The following DENND4C variants were observed in gnomAD, a reference collection of about 807,000 sequenced individuals.
The protein encoded by DENND4C is DENN domain containing 4C.
Under a neutral mutation model 203.0 loss-of-function variants are expected in DENND4C, and 108 were observed. The observed-to-expected ratio is 0.53, with a 90% CI of 0.46 to 0.62. The LOEUF (loss-of-function observed/expected upper bound fraction) is 0.62, where lower values mean the gene tolerates loss of function less well. Ranked by LOEUF, DENND4C falls within the 20% of genes least tolerant of loss-of-function variation. The pLI is 0.00. For missense variants in DENND4C, 2,481 were observed against 2,301.2 expected (o/e 1.08, Z -1.60); for synonymous variants, 871 against 792.4 (o/e 1.10, Z -1.67).
chr9:19,324,485 T>C lies in DENND4C; in HGVS notation c.1931T>C (p.Phe644Ser). The C allele has an allele frequency of 6.2e-7, 1 of 1,607,052 alleles. No individual in the cohort carries two copies. Among genetic ancestry groups the C allele is most frequent in the Non-Finnish European group, 8.5e-7 (1 of 1,178,556 alleles). The change falls in exon 13 of 33, where the codon TTT (phenylalanine) becomes TCT (serine). Residue 644 changes from phenylalanine (F) to serine (S), a missense_variant. Phe to Ser is a radical substitution (Grantham distance 155). Around this residue, in one of 3 missense-constraint regions of DENND4C, gnomAD observed 2,289 missense variants for 2,113.3 expected, o/e 1.08. Coordinates refer to ENST00000434457, the MANE Select transcript of DENND4C (RefSeq NM_001330640.2). Reference sequence around the variant, plus strand: ...AGTGATAAAGATACTGGATTAGCATTTTTTGATGACTGCATAGAAAAGGTA... The same window carrying C: ...AGTGATAAAGATACTGGATTAGCATCTTTTGATGACTGCATAGAAAAGGTA... ...FVSDKDTGLA[F>S]FDDCIEKLFP...
At chr9:19,234,495 G>A (rs567247284) in intron 1 of DENND4C, among the ~76,000 whole-genome samples, 22 of 146,426 alleles carry the variant, frequency 1.5e-4, no homozygotes, top group African/African-American at 5.1e-4. Context: ...CTCCCAAAAT[G>A]CTGGGATTAT....
intron 5 of DENND4C, among the ~76,000 whole-genome samples, chr9:19,291,746 A>AG (rs979214383): frequency 6.6e-6 from 1 of 151,662 alleles, no homozygotes; most frequent in African/African-American, 2.4e-5. Flanking sequence ...ACATACATGA[A>AG]GGGATAATTA....
chr9:19,239,505 C>T (rs1823144778), intron 1 of DENND4C, among the ~76,000 whole-genome samples: 2 of 151,634 alleles, frequency 1.3e-5, no homozygotes, highest in Non-Finnish European at 2.9e-5. Flanking sequence ...CGCTGTGTCA[C>T]CCAGGCTGGA....
At position 19,372,058 on chromosome 9, in the gene DENND4C, G is replaced by T; in HGVS notation, c.5762G>T (p.Gly1921Val). 1 of 1,610,216 alleles carries T rather than the reference G, an allele frequency of 6.2e-7. No homozygotes were observed. Among genetic ancestry groups the T allele is most frequent in the Non-Finnish European group, 8.5e-7 (1 of 1,179,070 alleles). ...TCAGAGGCATTTGACAATGAATATG[G>T]AATTGCATACAATAGTCTGTCTTCA... ...IDIEAFDNEY[G>V]IAYNSLSSEI... Residue 1921 changes from glycine to valine, a missense_variant, in exon 33 of 33, where the codon GGA becomes GTA. Gly to Val is a moderately radical substitution (Grantham distance 109, BLOSUM62 -3). This residue lies in a region of DENND4C where 2,289 missense variants were observed against 2,113.3 expected (regional missense o/e 1.08). Transcript: ENST00000434457.
At chr9:19,311,606 A>G (rs1406094091) in intron 10 of DENND4C, among the ~76,000 whole-genome samples, 3 of 152,188 alleles carry the variant, frequency 2.0e-5, no homozygotes, top group Non-Finnish European at 2.9e-5. Context: ...AAAATAGGCA[A>G]AGACTATGAA....
intron 1 of DENND4C, among the ~76,000 whole-genome samples, chr9:19,250,780 A>G (rs10964066): frequency 0.5 from 76,155 of 152,038 alleles, 19,853 homozygotes; most frequent in South Asian, 0.59. Context: ...AAGCTCCACA[A>G]TGATCTCCTT....
chr9:19,246,138 T>C (rs140966048), intron 1 of DENND4C, among the ~76,000 whole-genome samples: 3 of 152,206 alleles, frequency 2.0e-5, no homozygotes, highest in East Asian at 3.8e-4. Flanking sequence ...GTGTTCTGTA[T>C]GTACCATTCT....
At position 19,241,675 on chromosome 9, in the gene DENND4C, G is replaced by T. The variant is rs558170669; in HGVS notation, c.-18+10842G>T. 2.6e-5 allele frequency among the ~76,000 whole-genome samples: 4 copies of T among 152,112 alleles called. No individual in the cohort carries two copies. In the South Asian group the frequency reaches 8.3e-4, roughly 32 times the overall value. ...TCAGGGGCAATACTCACGTGGATCT[G>T]TCTGGACTACCTCCTGAAGGAAACT... On this transcript the variant is annotated intron_variant, in intron 1 of 32. Transcript: ENST00000434457.
intron 10 of DENND4C, among the ~76,000 whole-genome samples, chr9:19,310,940 G>T (rs1840615469): frequency 2.0e-5 from 3 of 152,116 alleles, no homozygotes; most frequent in Admixed American, 2.0e-4. Flanking sequence ...AATTTGCTAA[G>T]AATTTAAGAT....
intron 5 of DENND4C, among the ~76,000 whole-genome samples, chr9:19,291,703 TAA>T (rs61007729): frequency 0.5 from 67,330 of 135,400 alleles, 16,683 homozygotes; most frequent in South Asian, 0.57. Flanking sequence ...ATACTCTTTC[TAA>T]AAAAAAAAAA....
chr9:19,317,785 C>T (rs1021432023), intron 12 of DENND4C, among the ~76,000 whole-genome samples: 2 of 152,004 alleles, frequency 1.3e-5, no homozygotes, highest in African/African-American at 4.8e-5. Flanking sequence ...ATATTTTACA[C>T]AGTTTTAATT....
At chr9:19,304,433 C>T (rs1290646157) in intron 9 of DENND4C, among the ~76,000 whole-genome samples, 2 of 152,106 alleles carry the variant, frequency 1.3e-5, no homozygotes, top group African/African-American at 4.8e-5. Context: ...ATCCACTCAC[C>T]TCAGCCTCCC....
At chr9:19,248,557 TTTTTGTA>T (rs1003967320) in intron 1 of DENND4C, among the ~76,000 whole-genome samples, 1 of 151,722 alleles carries the variant, frequency 6.6e-6, no homozygotes, top group African/African-American at 2.4e-5. Context: ...GCCTGGCTAA[TTTTTGTA>T]TTTTTAGTAA....
chr9:19,253,192 A>C (rs1310513528), intron 1 of DENND4C, among the ~76,000 whole-genome samples: 1 of 152,240 alleles, frequency 6.6e-6, no homozygotes, highest in Non-Finnish European at 1.5e-5. Context: ...ACATTTATAT[A>C]AAAATCCTGA....
intron 4 of DENND4C, among the ~76,000 whole-genome samples, chr9:19,290,181 C>A (rs1042767675): frequency 6.6e-6 from 1 of 152,152 alleles, no homozygotes; most frequent in Admixed American, 6.5e-5. Context: ...CTCCTACTTT[C>A]TGGGTCTCAC....
intron 1 of DENND4C, among the ~76,000 whole-genome samples, chr9:19,252,726 C>T (rs1259715284): frequency 6.6e-6 from 1 of 151,746 alleles, no homozygotes; most frequent in Non-Finnish European, 1.5e-5. Context: ...CACACACACA[C>T]ACACACACAC....
chr9:19,304,594 T>G (rs867332561), intron 9 of DENND4C, among the ~76,000 whole-genome samples: 2 of 151,626 alleles, frequency 1.3e-5, no homozygotes, highest in Middle Eastern at 3.4e-3. Context: ...TGGAGTGCAG[T>G]GGCACAGTCT....
intron 27 of DENND4C, 121 bp downstream of exon 27, chr9:19,357,275 T>A: frequency 2.4e-6 from 2 of 847,156 alleles, no homozygotes; most frequent in Non-Finnish European, 3.6e-6. Flanking sequence ...GAGTACATCT[T>A]AACTTATTAC....
intron 1 of DENND4C, among the ~76,000 whole-genome samples, chr9:19,231,609 G>A (rs1351256829): frequency 6.7e-6 from 1 of 150,234 alleles, no homozygotes; most frequent in Admixed American, 6.6e-5. Context: ...TCTTTTATCT[G>A]CACTAATAAG....
Sources: allele counts gnomAD v4.1 joint callset (sites outside exome capture counted in the v4.1 genomes callset), GRCh38; gene constraint gnomAD v4.1.1; regional missense constraint gnomAD v4.1.1; transcripts MANE v1.5; gene names NCBI Gene and HGNC (gene_info 2026-07-23, HGNC 2026-07-21).